ZNF462: variants seen among roughly 807,000 people sequenced by gnomAD.
ZNF462 encodes the protein zinc finger protein 462.
ZNF462 carries 10 observed loss-of-function variants against 201.9 expected under a neutral mutation model. The observed-to-expected ratio is 0.05, with a 90% CI of 0.03 to 0.08. The LOEUF is 0.08. Among genes scored for constraint, ZNF462 ranks in the 10% least tolerant of loss-of-function variants. The pLI is 1.00. For missense variants in ZNF462, 2,523 were observed against 3,168.3 expected (o/e 0.80, Z 4.89); for synonymous variants, 1,227 against 1,193.3 (o/e 1.03, Z -0.58).
chr9:106,882,528 T>C (rs529592076), intron 1 of ZNF462, among the ~76,000 whole-genome samples: 140 of 152,340 alleles, frequency 9.2e-4, no homozygotes, highest in Non-Finnish European at 1.7e-3. Context: ...TATGTACATT[T>C]TGAAGTAAGA....
At chr9:106,861,121 C>G (rs764984854), upstream of ZNF462, among the ~76,000 whole-genome samples, 4 of 151,970 alleles carry the variant, frequency 2.6e-5, no homozygotes, top group Non-Finnish European at 5.9e-5. Context: ...CCATCAACAC[C>G]CTTTTAGGGA....
chr9:106,923,330 G>A lies in ZNF462; in HGVS notation c.-30-24G>A. ...ATGTGATTAGTGCATTCCTTAAGAT[G>A]TTTTGTTCTGACTTCTGCCACAGGT... On this transcript the variant is annotated intron_variant, in intron 1 of 12. Coordinates refer to ENST00000277225, the MANE Select transcript of ZNF462 (RefSeq NM_021224.6). The surrounding 1 kb of genome is among the most constrained non-coding windows in gnomAD (Gnocchi z 5.6). 6.3e-7 allele frequency: 1 copy of A among 1,575,150 alleles called. No individual in the cohort carries two copies. Among genetic ancestry groups the A allele is most frequent in the Non-Finnish European group, 8.7e-7 (1 of 1,145,974 alleles).
Position 106,984,186 on chromosome 9 carries a change from A to G in ZNF462, c.6833A>G (p.Glu2278Gly). 6.2e-7 allele frequency: 1 copy of G among 1,611,514 alleles called. No individual in the cohort carries two copies. Among genetic ancestry groups the G allele is most frequent in the Non-Finnish European group, 8.5e-7 (1 of 1,179,112 alleles). Residue 2278 changes from glutamate (E) to glycine (G), a missense_variant and splice_region_variant, in exon 10 of 13, where the codon GAA becomes GGA. By Grantham distance (98) the Glu-to-Gly change is moderately conservative. Transcript: ENST00000277225. The surrounding 1 kb of genome is among the most constrained non-coding windows in gnomAD (Gnocchi z 6.4). ...CTTTCCATTCAATTTGTTTCCACAG[A>G]AGAGCGTGTTGTCCCCATTGAAGTT... ...NMIDHIVLHREERVVPIEVCR... is the reference protein window; with the variant it reads ...NMIDHIVLHRGERVVPIEVCR...
intron 1 of ZNF462, among the ~76,000 whole-genome samples, chr9:106,916,810 ATTTTG>A (rs1829793377): frequency 6.6e-6 from 1 of 152,272 alleles, no homozygotes; most frequent in South Asian, 2.1e-4. Flanking sequence ...AGTCGTCTTC[ATTTTG>A]TTTTGTTTTG....
chr9:106,996,223 C>T (rs1455661821), intron 10 of ZNF462, among the ~76,000 whole-genome samples: 1 of 152,120 alleles, frequency 6.6e-6, no homozygotes, highest in East Asian at 1.9e-4. Flanking sequence ...TATTGATGGA[C>T]ATTTGGGTTG....
intron 7 of ZNF462, among the ~76,000 whole-genome samples, chr9:106,957,238 G>A (rs1317907307): frequency 1.3e-5 from 2 of 152,074 alleles, no homozygotes; most frequent in Non-Finnish European, 2.9e-5. Context: ...TTTCAATATT[G>A]TCGTGGCTCA....
rs560643593 is a variant in ZNF462, at chr9:107,003,516, A to G, written c.7189+90A>G. Reference sequence around the variant, plus strand: ...GAGGCAGGAGGTTGTTGTAGGAGTAACAGAAGGAATGATCCTTCTTAGTTA... The same window carrying G: ...GAGGCAGGAGGTTGTTGTAGGAGTAGCAGAAGGAATGATCCTTCTTAGTTA... On this transcript the variant is annotated intron_variant, in intron 11 of 12. Transcript: ENST00000277225. The surrounding 1 kb of genome is among the most constrained non-coding windows in gnomAD (Gnocchi z 4.4). 1 of 1,508,290 alleles carries G rather than the reference A, an allele frequency of 6.6e-7. No homozygotes were observed. Among genetic ancestry groups the G allele is most frequent in the South Asian group, 1.3e-5 (1 of 76,872 alleles). 93.4% of individuals were successfully genotyped at this position (1,508,290 alleles called of 1,614,324 possible).
intron 6 of ZNF462, among the ~76,000 whole-genome samples, chr9:106,936,080 A>G (rs901630818): frequency 1.3e-5 from 2 of 152,282 alleles, no homozygotes; most frequent in Non-Finnish European, 2.9e-5. Context: ...GTTTCCGTAC[A>G]TAAGACAGAA....
chr9:106,946,853 T>A (rs1449969200), intron 7 of ZNF462, among the ~76,000 whole-genome samples: 1 of 152,054 alleles, frequency 6.6e-6, no homozygotes, highest in Non-Finnish European at 1.5e-5. Flanking sequence ...GAGAATAAGA[T>A]GCCAGAAATA....
rs924063778 is a variant in ZNF462 at position 107,005,992 on chromosome 9, T to C, written c.7189+2566T>C. On this transcript the variant is annotated intron_variant, in intron 11 of 12. Coordinates refer to ENST00000277225, the MANE Select transcript of ZNF462 (RefSeq NM_021224.6). The surrounding 1 kb of genome is among the most constrained non-coding windows in gnomAD (Gnocchi z 4.4). ...ACCTTTGTTGAAAACCGATGGACTG[T>C]GAATGTGTGGATTTATTTCTGGGCT... is the stretch of plus-strand genomic sequence containing the variant. Among the ~76,000 whole-genome samples, 1 of 152,192 alleles carries C rather than the reference T, an allele frequency of 6.6e-6. No homozygotes were observed. The highest frequency in any genetic ancestry group is 1.5e-5 in the Non-Finnish European group (1 of 68,030).
rs551579027 is a variant in ZNF462 at position 106,917,015 on chromosome 9, C to G, written c.-30-6339C>G. 6.6e-6 allele frequency among the ~76,000 whole-genome samples: 1 copy of G among 152,218 alleles called. No homozygotes were observed. Among genetic ancestry groups the G allele is most frequent in the Admixed American group, 6.5e-5 (1 of 15,276 alleles). ...TTCAAATCACACGCTTCCTTTTCTA[C>G]GGACAGGAGAGCTGGCAGACTGCCT... On this transcript the variant is annotated intron_variant, in intron 1 of 12. Transcript: ENST00000277225. The surrounding 1 kb of genome is among the most constrained non-coding windows in gnomAD (Gnocchi z 4.5).
Position 107,010,172 on chromosome 9 carries a change from A to G in ZNF462, c.7313+504A>G, listed in dbSNP as rs1026523247. ...CCCTGAACATAAAATCAGCCCCTCAACAAGGCACGTTAGTCCACCAGATGC... is the reference window on the plus strand; with the variant it reads ...CCCTGAACATAAAATCAGCCCCTCAGCAAGGCACGTTAGTCCACCAGATGC... On this transcript the variant is annotated intron_variant, in intron 12 of 12. Coordinates refer to ENST00000277225, the MANE Select transcript of ZNF462 (RefSeq NM_021224.6). This position sits in a 1 kb window ranked among gnomAD's most constrained non-coding sequence, Gnocchi z 4.6. Among the ~76,000 whole-genome samples the G allele has an allele frequency of 5.3e-5, 8 of 152,080 alleles. No homozygotes were observed. The highest frequency in any genetic ancestry group is 1.4e-4 in the African/African-American group (6 of 41,436).
chr9:106,925,707 C>G lies in ZNF462; in HGVS notation c.1795C>G (p.Pro599Ala). 1 of 1,614,164 alleles carries G rather than the reference C, an allele frequency of 6.2e-7. No homozygotes were observed. Among genetic ancestry groups the G allele is most frequent in the Non-Finnish European group, 8.5e-7 (1 of 1,180,036 alleles). ...QPPTQAAPLHPYKCTMCNYST... is the reference protein window; with the variant it reads ...QPPTQAAPLHAYKCTMCNYST... Reference sequence around the variant, plus strand: ...ACCCACACAAGCCGCACCTCTGCACCCATACAAATGCACCATGTGTAATTA... The same window carrying G: ...ACCCACACAAGCCGCACCTCTGCACGCATACAAATGCACCATGTGTAATTA... Residue 599 changes from proline (P) to alanine (A), a missense_variant, in exon 3 of 13, where the codon CCA becomes GCA. Around this residue, in one of 15 missense-constraint regions of ZNF462, gnomAD observed 383 missense variants for 453.4 expected, o/e 0.84. Coordinates refer to ENST00000277225, the MANE Select transcript of ZNF462 (RefSeq NM_021224.6). The surrounding 1 kb of genome is among the most constrained non-coding windows in gnomAD (Gnocchi z 7.9).
chr9:106,867,531 GT>G (rs1298177555), intron 1 of ZNF462, among the ~76,000 whole-genome samples: 1 of 150,598 alleles, frequency 6.6e-6, no homozygotes, highest in Non-Finnish European at 1.5e-5. Flanking sequence ...CCGAGGAATT[GT>G]TTTTTCCCCC....
chr9:106,974,671 GA>G lies in ZNF462; in HGVS notation c.6832+400del, dbSNP rs760116407. 7.7e-4 allele frequency: 202 copies of G among 261,680 alleles called. No homozygotes were observed. Among genetic ancestry groups the G allele is most frequent in the South Asian group, 1.5e-3 (30 of 19,970 alleles). The allele number at this position is 261,680 out of a possible 1,614,324, so 16.2% of individuals were successfully genotyped here. A position where few individuals can be genotyped will look rare whatever the true frequency, so the allele number is the denominator to read the frequency against. Reference sequence around the variant, plus strand: ...CTATGGCTGTGAGAGATTCTTTCAAGAAGACCAAAATGATTTCCAAAGCAGA... The same window carrying G: ...CTATGGCTGTGAGAGATTCTTTCAAGAGACCAAAATGATTTCCAAAGCAGA... On this transcript the variant is annotated intron_variant, in intron 9 of 12. Transcript: ENST00000277225. The surrounding 1 kb of genome is among the most constrained non-coding windows in gnomAD (Gnocchi z 4.0).
In ZNF462 at chr9:106,935,426, G is replaced by GA. The variant is rs1018625943; in HGVS notation, c.6117-70dup. ...GAACGACCTAGAAGTAGGATTCCTG[G>GA]AAAAAAAGCAATGAGCAAATCCTCT... On this transcript the variant is annotated intron_variant, in intron 5 of 12. Transcript: ENST00000277225. The surrounding 1 kb of genome is among the most constrained non-coding windows in gnomAD (Gnocchi z 4.1). The GA allele has an allele frequency of 1.6e-5, 21 of 1,322,970 alleles. No individual in the cohort carries two copies. The African/African-American group carries it at 2.3e-4, about 15-fold the overall frequency. 82.0% of individuals were successfully genotyped at this position (1,322,970 alleles called of 1,614,324 possible).
intron 7 of ZNF462, among the ~76,000 whole-genome samples, chr9:106,948,763 T>C (rs964373632): frequency 2.0e-5 from 3 of 152,006 alleles, no homozygotes; most frequent in African/African-American, 7.2e-5. Flanking sequence ...TGACTTACTA[T>C]AGCTTTGAAA....
chr9:106,980,007 G>T lies in ZNF462; in HGVS notation c.6833-4179G>T, dbSNP rs766949694. On this transcript the variant is annotated intron_variant, in intron 9 of 12. Coordinates refer to ENST00000277225, the MANE Select transcript of ZNF462 (RefSeq NM_021224.6). ...TAATCTCCCCTAATTTATCTGATCA[G>T]TGTCATTTTTCTTGAGAATAAAGTC... Among the ~76,000 whole-genome samples the T allele has an allele frequency of 4.5e-4, 68 of 152,290 alleles. No individual in the cohort carries two copies. The Middle Eastern group carries it at 0.01, about 23-fold the overall frequency.
At position 106,895,450 on chromosome 9, in the gene ZNF462, C is replaced by G. The variant is rs887039942; in HGVS notation, c.-30-27904C>G. On this transcript the variant is annotated intron_variant, in intron 1 of 12. Transcript: ENST00000277225. This position sits in a 1 kb window ranked among gnomAD's most constrained non-coding sequence, Gnocchi z 4.4. Reference sequence around the variant, plus strand: ...GACCATCTCAGCAGCTGCTTAGCAGCCTGTTTCCCACCATCCTCTTCACCT... The same window carrying G: ...GACCATCTCAGCAGCTGCTTAGCAGGCTGTTTCCCACCATCCTCTTCACCT... 2.6e-5 allele frequency among the ~76,000 whole-genome samples: 4 copies of G among 152,114 alleles called. No individual in the cohort carries two copies. The highest frequency in any genetic ancestry group is 4.4e-5 in the Non-Finnish European group (3 of 67,992).
Sources: gnomAD v4.1 joint callset for allele counts (sites outside exome capture counted in the v4.1 genomes callset) on GRCh38, gnomAD v4.1.1 for gene constraint, gnomAD v4.1.1 regional missense constraint, Gnocchi (gnomAD v3.1) non-coding constraint, MANE v1.5 for transcripts, NCBI Gene and HGNC (gene_info 2026-07-23, HGNC 2026-07-21) for gene names.